PUF60: variants seen among roughly 807,000 people sequenced by gnomAD.
PUF60 encodes poly(U)-binding-splicing factor PUF60.
In PUF60, 10 loss-of-function variants were observed where a neutral mutation model predicts 61.8. The ratio of observed to expected loss-of-function variants is 0.16; its 90% CI spans 0.10 to 0.27. The LOEUF (loss-of-function observed/expected upper bound fraction) is 0.27. Ranked by LOEUF, PUF60 falls within the 10% of genes least tolerant of loss-of-function variation. The pLI is 1.00. For missense variants in PUF60, 371 were observed against 754.0 expected (o/e 0.49, Z 5.95); for synonymous variants, 353 against 300.9 (o/e 1.17, Z -1.79).
intron 2 of PUF60, among the ~76,000 whole-genome samples, chr8:143,822,282 C>T (rs1182221273): frequency 6.6e-6 from 1 of 152,202 alleles, no homozygotes; most frequent in Non-Finnish European, 1.5e-5. Context: ...CCTCAGCCGT[C>T]CTCCAAGGCA....
intron 4 of PUF60, among the ~76,000 whole-genome samples, chr8:143,820,984 G>A (rs1208967654): frequency 6.6e-6 from 1 of 152,054 alleles, no homozygotes; most frequent in Non-Finnish European, 1.5e-5. Flanking sequence ...GGAGCACAGT[G>A]AATGGCCAGG....
chr8:143,826,962 G>C (rs1486494209), intron 1 of PUF60: 1 of 202,316 alleles, frequency 4.9e-6, no homozygotes, highest in Non-Finnish European at 1.0e-5. Context: ...AGATACCCAG[G>C]GCAGAGCTGG....
At chr8:143,816,871 C>T in intron 11 of PUF60, 39 bp downstream of exon 11, 1 of 1,580,380 alleles carries the variant, frequency 6.3e-7, no homozygotes, top group Non-Finnish European at 8.6e-7. Context: ...CCCCGCCCCC[C>T]TACCCTCTCC....
rs777143265 is a variant in PUF60 at position 143,816,493 on chromosome 8, G to C, written c.*27C>G. On this transcript the variant is annotated 3_prime_UTR_variant, in exon 12 of 12. Coordinates refer to ENST00000526683, the MANE Select transcript of PUF60 (RefSeq NM_078480.3). Reference sequence around the variant, plus strand: ...AAAACCCAGAGGAAACAAGGAACAAGTGCAAGTCCGGGGAGAGGGACCACT... The same window carrying C: ...AAAACCCAGAGGAAACAAGGAACAACTGCAAGTCCGGGGAGAGGGACCACT... 3.8e-6 allele frequency: 6 copies of C among 1,584,850 alleles called. No individual in the cohort carries two copies. The highest frequency in any genetic ancestry group is 2.7e-5 in the African/African-American group (2 of 74,260).
chr8:143,824,008 C>T (rs574470205), intron 2 of PUF60, among the ~76,000 whole-genome samples: 13 of 152,382 alleles, frequency 8.5e-5, no homozygotes, highest in African/African-American at 2.6e-4. Context: ...TAAGAACGCG[C>T]GAGCTCCAGG....
rs143072100 is a variant in PUF60, at chr8:143,826,443, A to C, written c.25-2044T>G. 2.0e-3 allele frequency among the ~76,000 whole-genome samples: 299 copies of C among 152,218 alleles called. 1 individual carries two copies. Among genetic ancestry groups the C allele is most frequent in the African/African-American group, 7.0e-3 (289 of 41,536 alleles). ...TTTAAAAAGTAATGTGGCCAGACGC[A>C]GTGGCTCACGCCTGTAATCCCAGCA... is the stretch of plus-strand genomic sequence containing the variant. On this transcript the variant is annotated intron_variant, in intron 1 of 11. Coordinates refer to ENST00000526683, the MANE Select transcript of PUF60 (RefSeq NM_078480.3).
intron 5 of PUF60, among the ~76,000 whole-genome samples, chr8:143,819,972 G>A (rs1461560060): frequency 6.6e-6 from 1 of 152,208 alleles, no homozygotes; most frequent in Non-Finnish European, 1.5e-5. Flanking sequence ...TCTGAACAGA[G>A]GCTCCCAGAG....
intron 1 of PUF60, among the ~76,000 whole-genome samples, chr8:143,826,404 A>T (rs1028429135): frequency 2.6e-5 from 4 of 151,370 alleles, no homozygotes; most frequent in Admixed American, 2.6e-4. Context: ...TGTCTCTATG[A>T]AAAAAAAGAT....
Position 143,818,629 on chromosome 8 carries a change from G to T in PUF60, c.349-95C>A. 7.5e-7 allele frequency: 1 copy of T among 1,338,228 alleles called. No individual in the cohort carries two copies. Among genetic ancestry groups the T allele is most frequent in the Non-Finnish European group, 1.0e-6 (1 of 995,876 alleles). The allele number at this position is 1,338,228 out of a possible 1,614,324, so 82.9% of individuals were successfully genotyped here. A position where few individuals can be genotyped will look rare whatever the true frequency, so the allele number is the denominator to read the frequency against. ...CCTCCTGGCCCACCCACCCAGCCCT[G>T]CTGTGGGGAGGGCTCCCCACATGAC... On this transcript the variant is annotated intron_variant, in intron 5 of 11. Transcript: ENST00000526683. This position sits in a 1 kb window ranked among gnomAD's most constrained non-coding sequence, Gnocchi z 7.9.
At chr8:143,827,632 G>T in intron 1 of PUF60, 3 of 352,654 alleles carry the variant, frequency 8.5e-6, no homozygotes, top group South Asian at 6.3e-5. Context: ...CCATCCCAAT[G>T]ATTAAAAGAG....
In PUF60 at chr8:143,817,385, G is replaced by C. The variant is rs1014103950; in HGVS notation, c.1090C>G (p.Leu364Val). The change falls in exon 10 of 12, where the codon CTG becomes GTG. Residue 364 changes from leucine (L) to valine (V), a missense_variant. Leu to Val is a conservative substitution (Grantham distance 32, BLOSUM62 1). Around this residue, in one of 13 missense-constraint regions of PUF60, gnomAD observed 31 missense variants for 61.6 expected, o/e 0.50. Coordinates refer to ENST00000526683, the MANE Select transcript of PUF60 (RefSeq NM_078480.3). This position sits in a 1 kb window ranked among gnomAD's most constrained non-coding sequence, Gnocchi z 7.4. Reference sequence around the variant, plus strand: ...ATGACAGCCTGGGGCAAAGTGCCCAGGGGCTGGGCCAGGGTCAGTGCTGGG... The same window carrying C: ...ATGACAGCCTGGGGCAAAGTGCCCACGGGCTGGGCCAGGGTCAGTGCTGGG... ...VSPALTLAQP[L>V]GTLPQAVMAA... is the part of the protein sequence containing the mutation. 1 of 1,593,196 alleles carries C rather than the reference G, an allele frequency of 6.3e-7. No homozygotes were observed. The highest frequency in any genetic ancestry group is 8.5e-7 in the Non-Finnish European group (1 of 1,174,284).
At chr8:143,826,440 C>G (rs560504107) in intron 1 of PUF60, among the ~76,000 whole-genome samples, 1 of 152,182 alleles carries the variant, frequency 6.6e-6, no homozygotes. Flanking sequence ...TGTGGCCAGA[C>G]GCAGTGGCTC....
intron 1 of PUF60, chr8:143,829,012 G>C (rs1284274541): frequency 1.8e-5 from 18 of 996,164 alleles, no homozygotes; most frequent in South Asian, 4.6e-5. Context: ...ACCCCGCCAG[G>C]CTCGCCCGCA....
At position 143,817,235 on chromosome 8, in the gene PUF60, G is replaced by A. The variant is rs932237519; in HGVS notation, c.1145-90C>T. ...AGCTGGCCTGCCCTGGGCTCAGAGG[G>A]TTGTGCCCAGACCACCAGGGCCAGG... On this transcript the variant is annotated intron_variant, in intron 10 of 11. Coordinates refer to ENST00000526683, the MANE Select transcript of PUF60 (RefSeq NM_078480.3). This position sits in a 1 kb window ranked among gnomAD's most constrained non-coding sequence, Gnocchi z 7.4. The A allele has an allele frequency of 8.5e-6, 13 of 1,520,520 alleles. No individual in the cohort carries two copies. The highest frequency in any genetic ancestry group is 2.8e-5 in the African/African-American group (2 of 72,120). The allele number at this position is 1,520,520 out of a possible 1,614,324, so 94.2% of individuals were successfully genotyped here. A position where few individuals can be genotyped will look rare whatever the true frequency, so the allele number is the denominator to read the frequency against.
chr8:143,818,016 C>T lies in PUF60; in HGVS notation c.663G>A (p.Glu221=). The change falls in exon 8 of 12, where the codon GAG becomes GAA. Residue 221 remains glutamate (E), a synonymous_variant. Coordinates refer to ENST00000526683, the MANE Select transcript of PUF60 (RefSeq NM_078480.3). This position sits in a 1 kb window ranked among gnomAD's most constrained non-coding sequence, Gnocchi z 7.9. The part of the protein sequence containing the change: ...AQPIIDQLAE[E]ARAFNRIYVA... ...CGTAGATGCGGTTGAAGGCCCGTGCCTCCTCAGCCAACTGGTCTATGATGG... is the reference window on the plus strand; with the variant it reads ...CGTAGATGCGGTTGAAGGCCCGTGCTTCCTCAGCCAACTGGTCTATGATGG... 6 of 1,612,930 alleles carry T rather than the reference C, an allele frequency of 3.7e-6. No individual in the cohort carries two copies. Among genetic ancestry groups the T allele is most frequent in the Non-Finnish European group, 5.1e-6 (6 of 1,179,870 alleles).
chr8:143,823,688 C>T (rs1179573966), intron 2 of PUF60, among the ~76,000 whole-genome samples: 1 of 152,190 alleles, frequency 6.6e-6, no homozygotes, highest in South Asian at 2.1e-4. Flanking sequence ...TGGAGGCGGG[C>T]GCTACCATGG....
chr8:143,818,579 G>A lies in PUF60; in HGVS notation c.349-45C>T, dbSNP rs377214624. 5.4e-5 allele frequency: 82 copies of A among 1,517,700 alleles called. No homozygotes were observed. Among genetic ancestry groups the A allele is most frequent in the African/African-American group, 3.0e-4 (22 of 72,796 alleles). 94.0% of individuals were successfully genotyped at this position (1,517,700 alleles called of 1,614,324 possible). A position where few individuals can be genotyped will look rare whatever the true frequency, so the allele number is the denominator to read the frequency against. On this transcript the variant is annotated intron_variant, in intron 5 of 11. Transcript: ENST00000526683. This position sits in a 1 kb window ranked among gnomAD's most constrained non-coding sequence, Gnocchi z 7.9. Reference sequence around the variant, plus strand: ...AGAGAACCGCTGGCTCGTCAGGGGCGGCAGGAAGCTGGGCAGCCCACTCCC... The same window carrying A: ...AGAGAACCGCTGGCTCGTCAGGGGCAGCAGGAAGCTGGGCAGCCCACTCCC...
chr8:143,821,130 C>T (rs1234687209), intron 4 of PUF60, among the ~76,000 whole-genome samples: 1 of 152,232 alleles, frequency 6.6e-6, no homozygotes, highest in Non-Finnish European at 1.5e-5. Flanking sequence ...GGAGCAGGGC[C>T]CCAAGGGAGG....
In PUF60 at chr8:143,816,370, AC is replaced by A; in HGVS notation, c.*149del. The A allele has an allele frequency of 1.2e-6, 1 of 862,848 alleles. No individual in the cohort carries two copies. 53.4% of individuals were successfully genotyped at this position (862,848 alleles called of 1,614,324 possible). A position where few individuals can be genotyped will look rare whatever the true frequency, so the allele number is the denominator to read the frequency against. The stretch of plus-strand genomic sequence containing the variant: ...CGGTGACAGGACCGACGGCAGACAC[AC>A]GGACGTTCAGGGCCAGCAGCATCCG... On this transcript the variant is annotated 3_prime_UTR_variant, in exon 12 of 12. Coordinates refer to ENST00000526683, the MANE Select transcript of PUF60 (RefSeq NM_078480.3).
Sources: gnomAD v4.1 joint callset for allele counts (sites outside exome capture counted in the v4.1 genomes callset) on GRCh38, gnomAD v4.1.1 for gene constraint, gnomAD v4.1.1 regional missense constraint, Gnocchi (gnomAD v3.1) non-coding constraint, MANE v1.5 for transcripts, NCBI Gene and HGNC (gene_info 2026-07-23, HGNC 2026-07-21) for gene names.